The following ERAP1 variants were observed in gnomAD, a reference collection of about 807,000 sequenced individuals.
ERAP1 encodes the protein endoplasmic reticulum aminopeptidase 1.
A neutral mutation model predicts 103.7 loss-of-function variants in ERAP1; 86 were observed. The observed-to-expected ratio is 0.83, with a 90% CI of 0.70 to 0.99. The LOEUF (loss-of-function observed/expected upper bound fraction) is 0.99, where lower values mean the gene tolerates loss of function less well. ERAP1 is among the 50% of genes least tolerant of loss of function. The pLI is 0.00. For synonymous variants in ERAP1, 398 were observed against 402.4 expected (o/e 0.99, Z 0.13); for missense variants, 1,009 against 1,128.4 (o/e 0.89, Z 1.52).
exon 20 of ERAP1, chr5:96,761,971 C>T (rs1477586365): frequency 4.9e-6 from 1 of 202,370 alleles, no homozygotes; most frequent in African/African-American, 2.3e-5. Context: ...GAGCTGAAAA[C>T]TTTGAATAAC....
chr5:96,880,371 A>T, the ERAP1 span: 1 of 958,800 alleles, frequency 1.0e-6, no homozygotes, highest in Non-Finnish European at 1.5e-6. Context: ...CCAGTGAACT[A>T]TGGGGAACCC....
At chr5:96,896,993 C>A in the ERAP1 span, 1 of 348,590 alleles carries the variant, frequency 2.9e-6, no homozygotes, top group Non-Finnish European at 3.9e-6. Context: ...TTGTCATGGT[C>A]TATAGAAGGC....
At chr5:96,913,726 A>G in the ERAP1 span, among the ~76,000 whole-genome samples, 3 of 152,220 alleles carry the variant, frequency 2.0e-5, no homozygotes, top group African/African-American at 7.2e-5. Context: ...AATTAAATGC[A>G]GTCATCAGCC....
rs1004035725 is a variant in ERAP1, at chr5:96,776,025, T to C, written c.*371A>G. 5.3e-6 allele frequency: 6 copies of C among 1,138,796 alleles called. No individual in the cohort carries two copies. Among genetic ancestry groups the C allele is most frequent in the Middle Eastern group, 2.6e-4 (1 of 3,918 alleles). The allele number at this position is 1,138,796 out of a possible 1,614,324, so 70.5% of individuals were successfully genotyped here. A position where few individuals can be genotyped will look rare whatever the true frequency, so the allele number is the denominator to read the frequency against. ...AGGTGTTCATTGTTCAGTAGTCGAC[T>C]ATTCAGAGTCTTTCGAGGAGACTGA... On this transcript the variant is annotated 3_prime_UTR_variant, in exon 19 of 19. Transcript: ENST00000443439.
the ERAP1 span, among the ~76,000 whole-genome samples, chr5:96,861,687 C>T: frequency 6.6e-6 from 1 of 152,268 alleles, no homozygotes; most frequent in South Asian, 2.1e-4. Flanking sequence ...CACTTTAAGA[C>T]AGGTATTTTA....
In ERAP1 at chr5:96,790,521, A is replaced by G; in HGVS notation, c.1443T>C (p.Ser481=). Residue 481 remains serine (S), a synonymous_variant, in exon 9 of 19, where the codon AGT becomes AGC. Coordinates refer to ENST00000443439, the MANE Select transcript of ERAP1 (RefSeq NM_001040458.3). ...KNTKNEDLWD[S]MASICPTDGV... ...TCAAAAACATACTCACACTTGCCAT[A>G]CTATCCCACAGGTCCTCGTTTTTTG... 1 of 1,613,954 alleles carries G rather than the reference A, an allele frequency of 6.2e-7. No individual in the cohort carries two copies. The highest frequency in any genetic ancestry group is 8.5e-7 in the Non-Finnish European group (1 of 1,179,894).
chr5:96,774,936 C>A lies in ERAP1; in HGVS notation c.*1460G>T. ...TTTCGTACCAATCATCAATCATATT[C>A]CCTTATCTTGAAGTTTTTGCCTTAT... On this transcript the variant is annotated 3_prime_UTR_variant, in exon 19 of 19. Transcript: ENST00000443439. 1.0e-6 allele frequency: 1 copy of A among 984,858 alleles called. No individual in the cohort carries two copies. Among genetic ancestry groups the A allele is most frequent in the Non-Finnish European group, 1.2e-6 (1 of 829,628 alleles). The allele number at this position is 984,858 out of a possible 1,614,324, so 61.0% of individuals were successfully genotyped here. A position where few individuals can be genotyped will look rare whatever the true frequency, so the allele number is the denominator to read the frequency against.
chr5:96,811,751 TC>T (rs1324599505), upstream of ERAP1, among the ~76,000 whole-genome samples: 6 of 152,224 alleles, frequency 3.9e-5, no homozygotes. Flanking sequence ...CCCTTGAACT[TC>T]TAGAATTGTG....
At position 96,781,130 on chromosome 5, in the gene ERAP1, A is replaced by G. The variant is rs147939272; in HGVS notation, c.2516T>C (p.Ile839Thr). 1.1e-5 allele frequency: 17 copies of G among 1,613,656 alleles called. No individual in the cohort carries two copies. Among genetic ancestry groups the G allele is most frequent in the African/African-American group, 9.3e-5 (7 of 74,876 alleles). ...TGGGTATCCTACTGGGTTCCTGCCA[A>G]TGAGTGTAAGAATTTGTGGAAACTC... is the stretch of plus-strand genomic sequence containing the variant. ...TQEFPQILTL[I>T]GRNPVGYPLA... Residue 839 changes from isoleucine to threonine, a missense_variant, in exon 17 of 19, where the codon ATT becomes ACT. Ile to Thr is a moderately conservative substitution (Grantham distance 89, BLOSUM62 -1). Coordinates refer to ENST00000443439, the MANE Select transcript of ERAP1 (RefSeq NM_001040458.3).
chr5:96,850,758 A>C, the ERAP1 span, among the ~76,000 whole-genome samples: 1 of 152,218 alleles, frequency 6.6e-6, no homozygotes, highest in African/African-American at 2.4e-5. Flanking sequence ...ATTGTCAATT[A>C]AAAATAAAAA....
At chr5:96,783,608 TC>T (rs1443783114) in intron 14 of ERAP1, among the ~76,000 whole-genome samples, 3 of 151,836 alleles carry the variant, frequency 2.0e-5, no homozygotes. Flanking sequence ...CCATGAAGAG[TC>T]CCAGAAAATC....
At chr5:96,923,895 C>T in the ERAP1 span, among the ~76,000 whole-genome samples, 1 of 152,020 alleles carries the variant, frequency 6.6e-6, no homozygotes, top group South Asian at 2.1e-4. Context: ...AGCAAAGGGC[C>T]CTGAGGAGAG....
At chr5:96,872,990 G>C in the ERAP1 span, among the ~76,000 whole-genome samples, 28 of 152,150 alleles carry the variant, frequency 1.8e-4, no homozygotes, top group African/African-American at 6.5e-4. Context: ...AGGAGTTTGA[G>C]ACAGGCTGAC....
chr5:96,926,733 A>G, the ERAP1 span, among the ~76,000 whole-genome samples: 1 of 152,154 alleles, frequency 6.6e-6, no homozygotes, highest in East Asian at 1.9e-4. Context: ...TTATCCATTC[A>G]TCAGTTGATG....
the ERAP1 span, among the ~76,000 whole-genome samples, chr5:96,854,365 T>C: frequency 6.6e-6 from 1 of 152,154 alleles, no homozygotes; most frequent in Non-Finnish European, 1.5e-5. Flanking sequence ...CTGCAGTCCA[T>C]AATTTAACTT....
chr5:96,787,889 G>C (rs1776274315), intron 11 of ERAP1, among the ~76,000 whole-genome samples: 1 of 151,542 alleles, frequency 6.6e-6, no homozygotes, highest in African/African-American at 2.4e-5. Flanking sequence ...GAGAGAGAGA[G>C]AGCAAGAGAG....
rs759317572 is a variant in ERAP1 at position 96,783,244 on chromosome 5, G to A, written c.2101-9C>T. The A allele has an allele frequency of 8.3e-5, 134 of 1,605,864 alleles. No individual in the cohort carries two copies. The highest frequency in any genetic ancestry group is 3.6e-4 in the East Asian group (16 of 44,702). ...AGCCTGATGAGGAAGGCCTGAGGGCGTTGTACAGGGAAACAGGGACCAGTA... is the reference window on the plus strand; with the variant it reads ...AGCCTGATGAGGAAGGCCTGAGGGCATTGTACAGGGAAACAGGGACCAGTA... On this transcript the variant is annotated splice_polypyrimidine_tract_variant and intron_variant, in intron 14 of 18. Transcript: ENST00000443439.
At chr5:96,873,173 A>G in the ERAP1 span, 1 of 368,492 alleles carries the variant, frequency 2.7e-6, no homozygotes, top group Non-Finnish European at 5.4e-6. Flanking sequence ...TGGGTGACAG[A>G]GTGAGACTTT....
chr5:96,837,645 T>C, the ERAP1 span, among the ~76,000 whole-genome samples: 1 of 152,252 alleles, frequency 6.6e-6, no homozygotes. Context: ...AGAAGGAATG[T>C]TACAGTCAGT....
Sources: allele counts gnomAD v4.1 joint callset (sites outside exome capture counted in the v4.1 genomes callset), GRCh38; gene constraint gnomAD v4.1.1; transcripts MANE v1.5; gene names NCBI Gene and HGNC (gene_info 2026-07-23, HGNC 2026-07-21).